MED26: variants seen among roughly 807,000 people sequenced by gnomAD.
MED26 encodes the protein mediator of RNA polymerase II transcription subunit 26.
A neutral mutation model predicts 43.7 loss-of-function variants in MED26; 7 were observed. The observed-to-expected ratio is 0.16, with a 90% confidence interval of 0.09 to 0.30. The LOEUF (loss-of-function observed/expected upper bound fraction) is 0.30, where lower values mean the gene tolerates loss of function less well. Among genes scored for constraint, MED26 ranks in the 10% least tolerant of loss-of-function variants. MED26 has a pLI of 1.00. For synonymous variants in MED26, 375 were observed against 371.1 expected, an observed-to-expected ratio of 1.01 and a Z score of -0.12; for missense variants, 784 against 840.6, an observed-to-expected ratio of 0.93 and a Z score of 0.83.
rs73514984 is a variant in MED26 at position 16,581,916 on chromosome 19, G to T, written c.73-3507C>A. 1.8e-3 allele frequency among the ~76,000 whole-genome samples: 278 copies of T among 152,360 alleles called. 1 individual carries two copies. Among genetic ancestry groups the T allele is most frequent in the African/African-American group, 6.6e-3 (273 of 41,586 alleles). On this transcript the variant is annotated intron_variant, in intron 1 of 2. Coordinates refer to ENST00000263390, the MANE Select transcript of MED26 (RefSeq NM_004831.5). ...CCACCGTGTGAGCTGCTCACCTGAG[G>T]AGTAGAGGAGCCCGCCTGCTCTACC...
intron 1 of MED26, chr19:16,610,779 TC>T (rs766909084): frequency 2.6e-5 from 4 of 152,362 alleles, no homozygotes; most frequent in East Asian, 3.9e-4. Context: ...TGCCACTGTT[TC>T]CTATGTGTGC....
Position 16,576,643 on chromosome 19 carries a change from CTCT to C in MED26, c.1184_1186del (p.Lys395del), listed in dbSNP as rs558309182. On this transcript the variant is annotated inframe_deletion, in exon 3 of 3. Coordinates refer to ENST00000263390, the MANE Select transcript of MED26 (RefSeq NM_004831.5). The surrounding 1 kb of genome is among the most constrained non-coding windows in gnomAD (Gnocchi z 6.8). ...AACCGTATAGTCTCGAGGTCGGTAC[CTCT>C]TCTTCTTTTTACTGTCCGAGCCCCC... The C allele has an allele frequency of 2.0e-4, 321 of 1,614,238 alleles. 3 individuals carry two copies. The African/African-American group carries it at 2.6e-3, about 13-fold the overall frequency.
intron 1 of MED26, among the ~76,000 whole-genome samples, chr19:16,617,361 A>G (rs1599348152): frequency 6.6e-6 from 1 of 151,712 alleles, no homozygotes; most frequent in Admixed American, 6.6e-5. Context: ...CTTCGGAAAC[A>G]CCTCCCTGAC....
chr19:16,591,634 C>T (rs970830579), intron 1 of MED26, among the ~76,000 whole-genome samples: 1 of 152,166 alleles, frequency 6.6e-6, no homozygotes, highest in South Asian at 2.1e-4. Context: ...ACTGGAGACC[C>T]AGGTGAAGGA....
Position 16,593,955 on chromosome 19 carries a change from T to A in MED26, c.73-15546A>T, listed in dbSNP as rs1388480128. ...TTTTCAATGCAGAGGTCCTGGAAGT[T>A]ACTATGACCACACAAATTTTCTCCA... On this transcript the variant is annotated intron_variant, in intron 1 of 2. Coordinates refer to ENST00000263390, the MANE Select transcript of MED26 (RefSeq NM_004831.5). Among the ~76,000 whole-genome samples, 3 of 152,338 alleles carry A rather than the reference T, an allele frequency of 2.0e-5. No homozygotes were observed. The East Asian group carries it at 5.8e-4, about 29-fold the overall frequency.
rs1056401297 is a variant in MED26 at position 16,576,808 on chromosome 19, C to A, written c.1022G>T (p.Trp341Leu). The A allele has an allele frequency of 6.2e-7, 1 of 1,609,150 alleles. No individual in the cohort carries two copies. Among genetic ancestry groups the A allele is most frequent in the Non-Finnish European group, 8.5e-7 (1 of 1,178,934 alleles). The change falls in exon 3 of 3, where the codon TGG becomes TTG. Residue 341 changes from tryptophan (W) to leucine (L), a missense_variant. This residue lies in a region of MED26 where 719 missense variants were observed against 730.9 expected (regional missense o/e 0.98). Transcript: ENST00000263390. The surrounding 1 kb of genome is among the most constrained non-coding windows in gnomAD (Gnocchi z 6.8). The stretch of plus-strand genomic sequence containing the variant: ...CTGGTGGCTCTCAGGCTGCTCAAGC[C>A]AGCACACTGGGCTTTCCGCACTGGG... ...LLPSAESPVCWLEQPESHQRL... is the reference protein window; with the variant it reads ...LLPSAESPVCLLEQPESHQRL...
intron 1 of MED26, among the ~76,000 whole-genome samples, chr19:16,589,615 G>A (rs1345351438): frequency 6.6e-6 from 1 of 152,164 alleles, no homozygotes; most frequent in Non-Finnish European, 1.5e-5. Context: ...GGCAGAGAAT[G>A]ACTAGGAGAG....
intron 1 of MED26, among the ~76,000 whole-genome samples, chr19:16,627,165 T>C (rs1360414318): frequency 1.3e-5 from 2 of 152,160 alleles, no homozygotes; most frequent in African/African-American, 4.8e-5. Flanking sequence ...AATGGAGCTC[T>C]GGCTTGGTCA....
In MED26 at chr19:16,619,105, G is replaced by C. The variant is rs976180693; in HGVS notation, c.72+8767C>G. On this transcript the variant is annotated intron_variant, in intron 1 of 2. Coordinates refer to ENST00000263390, the MANE Select transcript of MED26 (RefSeq NM_004831.5). ...CTGGACAGGCCACAGAATTAGTATA[G>C]GAAGTAAAGACAAGTGCTGTGCAGG... 5.9e-5 allele frequency among the ~76,000 whole-genome samples: 9 copies of C among 152,310 alleles called. No homozygotes were observed. In the South Asian group the frequency reaches 1.9e-3, roughly 32 times the overall value.
At chr19:16,605,546 G>C (rs2086168694) in intron 1 of MED26, among the ~76,000 whole-genome samples, 1 of 152,222 alleles carries the variant, frequency 6.6e-6, no homozygotes, top group South Asian at 2.1e-4. Context: ...GGATTGGCCA[G>C]GCTGCCCCAC....
chr19:16,585,885 C>T (rs931821727), intron 1 of MED26, among the ~76,000 whole-genome samples: 2 of 152,220 alleles, frequency 1.3e-5, no homozygotes, highest in Non-Finnish European at 2.9e-5. Context: ...GTGGAGTGGA[C>T]CCGCTACTGG....
chr19:16,602,799 A>C (rs998475859), intron 1 of MED26, among the ~76,000 whole-genome samples: 1 of 152,298 alleles, frequency 6.6e-6, no homozygotes, highest in Non-Finnish European at 1.5e-5. Flanking sequence ...AGAGAGGTGG[A>C]AAGTCGAACA....
Position 16,603,619 on chromosome 19 carries a change from C to T in MED26, c.72+24253G>A, listed in dbSNP as rs1242971374. Among the ~76,000 whole-genome samples the T allele has an allele frequency of 4.6e-5, 7 of 152,182 alleles. 1 individual carries two copies. The highest frequency in any genetic ancestry group is 3.3e-4 in the Admixed American group (5 of 15,280). On this transcript the variant is annotated intron_variant, in intron 1 of 2. Coordinates refer to ENST00000263390, the MANE Select transcript of MED26 (RefSeq NM_004831.5). The stretch of plus-strand genomic sequence containing the variant: ...AGCCCCTGAGCCGCAGTCTCCCCAT[C>T]GGTCAATAGCAGGGCCCCAACACTG...
At chr19:16,603,876 A>G (rs976635509) in intron 1 of MED26, among the ~76,000 whole-genome samples, 4 of 152,140 alleles carry the variant, frequency 2.6e-5, no homozygotes, top group East Asian at 1.9e-4. Context: ...GGGCAGAGCC[A>G]TGGAAGAGGT....
chr19:16,619,296 G>C (rs1257922741), intron 1 of MED26, among the ~76,000 whole-genome samples: 1 of 152,210 alleles, frequency 6.6e-6, no homozygotes. Flanking sequence ...GATGCACCTG[G>C]GAGGTGAATG....
In MED26 at chr19:16,575,851, GTT is replaced by G. The variant is rs1486645345; in HGVS notation, c.*174_*175del. 3.3e-6 allele frequency: 2 copies of G among 608,818 alleles called. No individual in the cohort carries two copies. The highest frequency in any genetic ancestry group is 5.8e-6 in the Non-Finnish European group (2 of 347,634). 37.7% of individuals were successfully genotyped at this position (608,818 alleles called of 1,614,324 possible). ...CTGGTAGCAGCATTTCACAAAAAGAGTTTTGAGGGAAGAGCGCAGAGAGACCG... is the reference window on the plus strand; with the variant it reads ...CTGGTAGCAGCATTTCACAAAAAGAGTTGAGGGAAGAGCGCAGAGAGACCG... On this transcript the variant is annotated 3_prime_UTR_variant, in exon 3 of 3. Transcript: ENST00000263390.
chr19:16,625,052 A>G (rs1206173747), intron 1 of MED26, among the ~76,000 whole-genome samples: 1 of 152,182 alleles, frequency 6.6e-6, no homozygotes, highest in Non-Finnish European at 1.5e-5. Flanking sequence ...TTTACCCACA[A>G]TGCAGTGAGA....
At chr19:16,584,130 G>A (rs1195175361) in intron 1 of MED26, among the ~76,000 whole-genome samples, 2 of 152,038 alleles carry the variant, frequency 1.3e-5, no homozygotes, top group African/African-American at 2.4e-5. Context: ...GTGTGCACCT[G>A]TAATCCCAGC....
At chr19:16,608,145 T>G (rs1045452482) in intron 1 of MED26, among the ~76,000 whole-genome samples, 1 of 152,178 alleles carries the variant, frequency 6.6e-6, no homozygotes, top group Non-Finnish European at 1.5e-5. Flanking sequence ...CCAAGCCAGG[T>G]AAGGGGCAGG....
Sources: gnomAD v4.1 joint callset for allele counts (sites outside exome capture counted in the v4.1 genomes callset) on GRCh38, gnomAD v4.1.1 for gene constraint, gnomAD v4.1.1 regional missense constraint, Gnocchi (gnomAD v3.1) non-coding constraint, MANE v1.5 for transcripts, NCBI Gene and HGNC (gene_info 2026-07-23, HGNC 2026-07-21) for gene names.